The following PTDSS2 variants were observed in gnomAD, a reference collection of about 807,000 sequenced individuals.
The protein encoded by PTDSS2 is PSS-2.
In PTDSS2, 41 loss-of-function variants were observed where a neutral mutation model predicts 64.7. The ratio of observed to expected loss-of-function variants is 0.63; its 90% confidence interval spans 0.49 to 0.82. PTDSS2 has a LOEUF of 0.82. Among genes scored for constraint, PTDSS2 ranks in the 40% least tolerant of loss-of-function variants. PTDSS2 has a pLI of 0.00. For synonymous variants in PTDSS2, 297 were observed against 277.8 expected, an observed-to-expected ratio of 1.07 and a Z score of -0.69; for missense variants, 485 against 650.0, an observed-to-expected ratio of 0.75 and a Z score of 2.76.
Position 490,811 on chromosome 11 carries a change from C to CGCGTGTACGCGCGTGTACGT in PTDSS2, c.*235_*236insACGCGCGTGTACGTGCGTGT, listed in dbSNP as rs1554958761. On this transcript the variant is annotated 3_prime_UTR_variant, in exon 12 of 12. Transcript: ENST00000308020. Reference sequence around the variant, plus strand: ...ATGCGTGTGTGTACGCGTGTGTACGCGCGTGTGTACACATGCGTGGCCGCC... The same window carrying CGCGTGTACGCGCGTGTACGT: ...ATGCGTGTGTGTACGCGTGTGTACGCGCGTGTACGCGCGTGTACGTGCGTGTGTACACATGCGTGGCCGCC... 5 of 581,158 alleles carry CGCGTGTACGCGCGTGTACGT rather than the reference C, an allele frequency of 8.6e-6. No homozygotes were observed. In the African/African-American group the frequency reaches 9.4e-5, roughly 11 times the overall value. 36.0% of individuals were successfully genotyped at this position (581,158 alleles called of 1,614,324 possible).
At chr11:466,018 A>C (rs554519894) in intron 2 of PTDSS2, among the ~76,000 whole-genome samples, 1 of 152,342 alleles carries the variant, frequency 6.6e-6, no homozygotes, top group South Asian at 2.1e-4. Flanking sequence ...AAATGTTTAC[A>C]AAACACCTAT....
chr11:455,434 C>G (rs1846541266), intron 1 of PTDSS2, among the ~76,000 whole-genome samples: 2 of 152,196 alleles, frequency 1.3e-5, no homozygotes, highest in African/African-American at 4.8e-5. Flanking sequence ...GAGTCCTGCT[C>G]CCGTGCACAC....
chr11:450,814 A>T (rs1033168461), intron 1 of PTDSS2, among the ~76,000 whole-genome samples, 177 bp downstream of exon 1: 1 of 151,716 alleles, frequency 6.6e-6, no homozygotes, highest in Non-Finnish European at 1.5e-5. Context: ...GGCCGGACCG[A>T]GCTCCCGACG....
intron 11 of PTDSS2, 150 bp downstream of exon 11, chr11:490,218 AGCCCTCGGGGCCTTC>A (rs1430119892): frequency 8.7e-7 from 1 of 1,150,698 alleles, no homozygotes; most frequent in Non-Finnish European, 1.2e-6. Context: ...TTCCTGACCC[AGCCCTCGGGGCCTTC>A]GCTCTGCACT....
intron 1 of PTDSS2, among the ~76,000 whole-genome samples, chr11:453,143 C>T (rs1336900186): frequency 6.6e-6 from 1 of 152,148 alleles, no homozygotes; most frequent in Non-Finnish European, 1.5e-5. Context: ...GCGTGCGGTT[C>T]GATTCAGGGC....
At chr11:450,967 C>A (rs1846297026) in intron 1 of PTDSS2, among the ~76,000 whole-genome samples, 1 of 151,126 alleles carries the variant, frequency 6.6e-6, no homozygotes, top group Admixed American at 6.6e-5. Context: ...CAGACCCCTT[C>A]CCCGCCACCC....
At chr11:485,730 C>CGT (rs754670074) in intron 4 of PTDSS2, among the ~76,000 whole-genome samples, 1 of 112,492 alleles carries the variant, frequency 8.9e-6, no homozygotes, top group African/African-American at 3.3e-5. Flanking sequence ...TGCACGGGCG[C>CGT]GTGTGCTCAC....
At position 470,259 on chromosome 11, in the gene PTDSS2, G is replaced by A. The variant is rs929003209; in HGVS notation, c.285-3636G>A. ...CACTGGTCATGTTCATGGCGTGGCCGACGGGGAGGCTGCTGCCCCATCCTC... is the reference window on the plus strand; with the variant it reads ...CACTGGTCATGTTCATGGCGTGGCCAACGGGGAGGCTGCTGCCCCATCCTC... On this transcript the variant is annotated intron_variant, in intron 2 of 11. Transcript: ENST00000308020. This position sits in a 1 kb window ranked among gnomAD's most constrained non-coding sequence, Gnocchi z 5.3. 6.6e-6 allele frequency among the ~76,000 whole-genome samples: 1 copy of A among 152,196 alleles called. No individual in the cohort carries two copies. Among genetic ancestry groups the A allele is most frequent in the African/African-American group, 2.4e-5 (1 of 41,444 alleles).
chr11:483,911 C>T (rs1270010614), intron 4 of PTDSS2, among the ~76,000 whole-genome samples: 1 of 152,134 alleles, frequency 6.6e-6, no homozygotes, highest in South Asian at 2.1e-4. Flanking sequence ...GACTGCCTGG[C>T]GAGATGTGTC....
intron 2 of PTDSS2, among the ~76,000 whole-genome samples, chr11:469,323 G>A (rs1847302651): frequency 1.1e-5 from 1 of 90,200 alleles, no homozygotes; most frequent in African/African-American, 5.3e-5. Context: ...TCGGAGGGAG[G>A]AGGAGGGCAG....
rs922214990 is a variant in PTDSS2, at chr11:473,940, A to T, written c.330A>T (p.Thr110=). The T allele has an allele frequency of 1.2e-6, 2 of 1,614,086 alleles. No individual in the cohort carries two copies. Among genetic ancestry groups the T allele is most frequent in the Non-Finnish European group, 1.7e-6 (2 of 1,179,974 alleles). Residue 110 remains threonine (T), a synonymous_variant, in exon 3 of 12, where the codon ACA becomes ACT. Transcript: ENST00000308020. The part of the protein sequence containing the change: ...SILVFLCFGV[T]QAKDGPFSRP... Reference sequence around the variant, plus strand: ...TGGTTTTCTTATGTTTTGGAGTCACACAAGCTAAAGACGGGCCATTTTCCA... The same window carrying T: ...TGGTTTTCTTATGTTTTGGAGTCACTCAAGCTAAAGACGGGCCATTTTCCA...
intron 1 of PTDSS2, among the ~76,000 whole-genome samples, chr11:457,624 C>A (rs189481337): frequency 7.9e-5 from 12 of 152,342 alleles, no homozygotes; most frequent in African/African-American, 2.6e-4. Context: ...GTCGGAGGGA[C>A]CACAGTGTTT....
chr11:481,220 A>T (rs796387477), intron 4 of PTDSS2, among the ~76,000 whole-genome samples: 4 of 151,972 alleles, frequency 2.6e-5, no homozygotes, highest in African/African-American at 9.7e-5. Context: ...GGTGAGCTGG[A>T]CGGTTTCGAG....
intron 4 of PTDSS2, among the ~76,000 whole-genome samples, chr11:481,040 C>T (rs1169023698): frequency 6.6e-6 from 1 of 151,276 alleles, no homozygotes; most frequent in African/African-American, 2.4e-5. Flanking sequence ...GCCGAGATCA[C>T]GCCACTGCAC....
At chr11:487,546 T>C (rs1316939475) in intron 6 of PTDSS2, 76 bp downstream of exon 6, 1 of 1,385,730 alleles carries the variant, frequency 7.2e-7, no homozygotes. Context: ...TTTCTGTCCA[T>C]GGAGTTGAGC....
At position 461,665 on chromosome 11, in the gene PTDSS2, C is replaced by T. The variant is rs533730630; in HGVS notation, c.284+1377C>T. On this transcript the variant is annotated intron_variant, in intron 2 of 11. Transcript: ENST00000308020. The surrounding 1 kb of genome is among the most constrained non-coding windows in gnomAD (Gnocchi z 4.2). ...CCTTTTTCTGAGCCTGAGGTGCCAGCTTGCTCCCAGGCCTGGCCTGGCCAG... is the reference window on the plus strand; with the variant it reads ...CCTTTTTCTGAGCCTGAGGTGCCAGTTTGCTCCCAGGCCTGGCCTGGCCAG... Among the ~76,000 whole-genome samples the T allele has an allele frequency of 1.1e-4, 16 of 152,326 alleles. No homozygotes were observed. The highest frequency in any genetic ancestry group is 3.6e-4 in the African/African-American group (15 of 41,582).
At position 450,369 on chromosome 11, in the gene PTDSS2, C is replaced by G; in HGVS notation, c.-87C>G. 8.7e-7 allele frequency: 1 copy of G among 1,147,736 alleles called. No individual in the cohort carries two copies. The highest frequency in any genetic ancestry group is 1.1e-6 in the Non-Finnish European group (1 of 915,904). The allele number at this position is 1,147,736 out of a possible 1,614,324, so 71.1% of individuals were successfully genotyped here. A position where few individuals can be genotyped will look rare whatever the true frequency, so the allele number is the denominator to read the frequency against. On this transcript the variant is annotated 5_prime_UTR_variant, in exon 1 of 12. Transcript: ENST00000308020. ...GCCGCGACCCCTTCCCAGCGCTCCT[C>G]GCGCTGTGTGCGGCGCGTCCTCTCG...
Position 490,020 on chromosome 11 carries a change from T to C in PTDSS2, c.1253T>C (p.Leu418Pro), listed in dbSNP as rs1848598052. Residue 418 changes from leucine to proline, a missense_variant, in exon 11 of 12, where the codon CTC becomes CCC. This residue lies in a region of PTDSS2 where 219 missense variants were observed against 257.3 expected (regional missense o/e 0.85). Transcript: ENST00000308020. ...LPFYISQCWTLGSVLALTWTV... is the reference protein window; with the variant it reads ...LPFYISQCWTPGSVLALTWTV... ...TTCTACATCTCCCAGTGCTGGACCC[T>C]CGGCTCCGTCCTGGCGCTCACCTGG... The C allele has an allele frequency of 6.2e-7, 1 of 1,611,370 alleles. No individual in the cohort carries two copies. The highest frequency in any genetic ancestry group is 1.3e-5 in the African/African-American group (1 of 74,908).
chr11:471,272 T>C (rs1260357260), intron 2 of PTDSS2, among the ~76,000 whole-genome samples: 1 of 152,024 alleles, frequency 6.6e-6, no homozygotes, highest in African/African-American at 2.4e-5. Context: ...ATTTCTTATA[T>C]TTTTAGTAGA....
Sources: allele counts gnomAD v4.1 joint callset (sites outside exome capture counted in the v4.1 genomes callset), GRCh38; gene constraint gnomAD v4.1.1; regional missense constraint gnomAD v4.1.1; non-coding constraint Gnocchi (gnomAD v3.1); transcripts MANE v1.5; gene names NCBI Gene and HGNC (gene_info 2026-07-23, HGNC 2026-07-21).